The following DIS3L2 variants were observed in gnomAD, a reference collection of about 807,000 sequenced individuals.
The protein encoded by DIS3L2 is DIS3-like exonuclease 2.
DIS3L2 carries 34 observed loss-of-function variants against 97.5 expected under a neutral mutation model. The ratio of observed to expected loss-of-function variants is 0.35; its 90% CI spans 0.27 to 0.46. DIS3L2 has a LOEUF of 0.46. Ranked by LOEUF, DIS3L2 falls within the 20% of genes least tolerant of loss-of-function variation. The pLI, the probability that DIS3L2 is intolerant of heterozygous loss-of-function variation, is 1.00. For missense variants in DIS3L2, 1,038 were observed against 1,146.0 expected (o/e 0.91, Z 1.36); for synonymous variants, 435 against 445.2 (o/e 0.98, Z 0.29).
chr2:232,171,045 G>A (rs1483067229), intron 9 of DIS3L2, among the ~76,000 whole-genome samples: 2 of 152,170 alleles, frequency 1.3e-5, no homozygotes, highest in Non-Finnish European at 2.9e-5. Context: ...AGACAGTGTG[G>A]TAGCATTGAA....
chr2:232,265,215 T>C (rs1161043743), intron 13 of DIS3L2, among the ~76,000 whole-genome samples: 1 of 152,224 alleles, frequency 6.6e-6, no homozygotes, highest in Admixed American at 6.5e-5. Context: ...TGTTTCTCTT[T>C]GTACATCTCC....
chr2:232,234,120 G>A (rs1574962426), intron 10 of DIS3L2, among the ~76,000 whole-genome samples: 2 of 152,110 alleles, frequency 1.3e-5, no homozygotes, highest in African/African-American at 4.8e-5. Context: ...TTTATGGCGA[G>A]GGGTAATAAA....
chr2:232,080,872 G>A (rs1343991308), intron 5 of DIS3L2, among the ~76,000 whole-genome samples: 2 of 141,780 alleles, frequency 1.4e-5, no homozygotes, highest in Non-Finnish European at 1.5e-5. Context: ...CTGCACTCAA[G>A]CGTAGGTAAC....
chr2:232,258,986 G>A (rs1559179005), intron 12 of DIS3L2, among the ~76,000 whole-genome samples: 1 of 152,126 alleles, frequency 6.6e-6, no homozygotes, highest in Admixed American at 6.5e-5. Flanking sequence ...TACATGTCAG[G>A]TGTGACTCCC....
intron 13 of DIS3L2, among the ~76,000 whole-genome samples, chr2:232,297,046 TG>T (rs1694741305): frequency 6.6e-6 from 1 of 152,218 alleles, no homozygotes; most frequent in Admixed American, 6.5e-5. Context: ...CAGATGTTAC[TG>T]GCACATAATT....
At chr2:232,322,415 G>T (rs1198429778) in intron 14 of DIS3L2, among the ~76,000 whole-genome samples, 1 of 152,236 alleles carries the variant, frequency 6.6e-6, no homozygotes, top group Non-Finnish European at 1.5e-5. Flanking sequence ...GACCTCTGTG[G>T]TCACTTCTGT....
chr2:232,008,611 C>T (rs1694114161), intron 1 of DIS3L2, among the ~76,000 whole-genome samples: 1 of 152,120 alleles, frequency 6.6e-6, no homozygotes. Context: ...AGGGTTAGTA[C>T]AAGTGGGTCT....
intron 6 of DIS3L2, among the ~76,000 whole-genome samples, chr2:232,121,220 A>G (rs1697894321): frequency 6.6e-6 from 1 of 152,202 alleles, no homozygotes; most frequent in Non-Finnish European, 1.5e-5. Context: ...CTTGTCACTA[A>G]GGCCACACTG....
intron 13 of DIS3L2, among the ~76,000 whole-genome samples, chr2:232,297,409 G>T (rs1160782858): frequency 6.6e-6 from 1 of 152,176 alleles, no homozygotes; most frequent in Non-Finnish European, 1.5e-5. Context: ...CTTAGATACT[G>T]ATTGAGAAGC....
Position 232,136,566 on chromosome 2 carries a change from C to A in DIS3L2, c.797C>A (p.Ala266Asp). 6.2e-7 allele frequency: 1 copy of A among 1,613,886 alleles called. No homozygotes were observed. Among genetic ancestry groups the A allele is most frequent in the Non-Finnish European group, 8.5e-7 (1 of 1,179,946 alleles). Reference sequence around the variant, plus strand: ...AACAGCGAACTGTTTAGGAAATACGCCCTGTTTTCTCCCTCAGACCACCGA... The same window carrying A: ...AACAGCGAACTGTTTAGGAAATACGACCTGTTTTCTCCCTCAGACCACCGA... ...DKNSELFRKY[A>D]LFSPSDHRVP... The change falls in exon 8 of 21, where the codon GCC (alanine) becomes GAC (aspartate). Residue 266 changes from alanine to aspartate, a missense_variant. By Grantham distance (126) the Ala-to-Asp change is moderately radical (BLOSUM62 -2). Coordinates refer to ENST00000325385, the MANE Select transcript of DIS3L2 (RefSeq NM_152383.5).
chr2:232,028,873 G>T (rs1323805684), intron 4 of DIS3L2, among the ~76,000 whole-genome samples: 1 of 152,154 alleles, frequency 6.6e-6, no homozygotes, highest in Non-Finnish European at 1.5e-5. Flanking sequence ...GGCAGAGTGT[G>T]CAAGCCACAG....
chr2:232,240,540 A>G (rs1215577162), intron 11 of DIS3L2, among the ~76,000 whole-genome samples: 1 of 152,228 alleles, frequency 6.6e-6, no homozygotes, highest in East Asian at 1.9e-4. Context: ...GAGAATAGTT[A>G]GCTGTGTCCT....
At chr2:232,132,254 T>C (rs1190914861) in intron 7 of DIS3L2, among the ~76,000 whole-genome samples, 1 of 152,154 alleles carries the variant, frequency 6.6e-6, no homozygotes, top group Non-Finnish European at 1.5e-5. Context: ...GCGAAACTTA[T>C]GCTATGGTAG....
intron 9 of DIS3L2, among the ~76,000 whole-genome samples, chr2:232,205,292 A>C (rs866753120): frequency 6.7e-5 from 10 of 150,322 alleles, no homozygotes; most frequent in Non-Finnish European, 1.5e-4. Context: ...GTCTTGCTCT[A>C]TCACCCAGGC....
chr2:232,199,666 A>C (rs1439906899), intron 9 of DIS3L2, among the ~76,000 whole-genome samples: 1 of 152,250 alleles, frequency 6.6e-6, no homozygotes, highest in Admixed American at 6.5e-5. Context: ...TGTGTAAGAA[A>C]GAAGAGAAAA....
At chr2:232,330,043 A>G (rs1695691131) in intron 15 of DIS3L2, 47 bp downstream of exon 15, 2 of 1,565,600 alleles carry the variant, frequency 1.3e-6, no homozygotes, top group African/African-American at 2.7e-5. Flanking sequence ...GGGGGAAAGA[A>G]GAGAAAGACC....
intron 14 of DIS3L2, among the ~76,000 whole-genome samples, chr2:232,322,747 C>T (rs532163207): frequency 6.6e-6 from 1 of 152,296 alleles, no homozygotes; most frequent in South Asian, 2.1e-4. Context: ...GGTGTAAGAG[C>T]GTGTGTATGT....
intron 10 of DIS3L2, among the ~76,000 whole-genome samples, chr2:232,218,514 G>A (rs756771956): frequency 1.3e-5 from 2 of 152,158 alleles, no homozygotes; most frequent in Non-Finnish European, 2.9e-5. Context: ...TTGGGAGGCC[G>A]AGGTGGGAGG....
chr2:232,321,507 G>A (rs1308283840), intron 14 of DIS3L2, among the ~76,000 whole-genome samples: 1 of 152,178 alleles, frequency 6.6e-6, no homozygotes, highest in African/African-American at 2.4e-5. Context: ...GCCGTGGCCC[G>A]TGGCCCACTC....
Sources: allele counts gnomAD v4.1 joint callset (sites outside exome capture counted in the v4.1 genomes callset), GRCh38; gene constraint gnomAD v4.1.1; transcripts MANE v1.5; gene names NCBI Gene and HGNC (gene_info 2026-07-23, HGNC 2026-07-21).